Variants in GGA2 observed in about 807,000 individuals in gnomAD.
The protein encoded by GGA2 is ADP-ribosylation factor-binding protein GGA2.
A neutral mutation model predicts 79.5 loss-of-function variants in GGA2; 48 were observed. The observed-to-expected ratio is 0.60, with a 90% CI of 0.48 to 0.77. The LOEUF is 0.77. GGA2 is among the 30% of genes least tolerant of loss of function. The pLI, the probability that GGA2 is intolerant of heterozygous loss-of-function variation, is 0.00. For missense variants in GGA2, 770 were observed against 774.0 expected, an observed-to-expected ratio of 0.99 and a Z score of 0.06; for synonymous variants, 317 against 302.0, an observed-to-expected ratio of 1.05 and a Z score of -0.51.
chr16:23,509,388 C>T (rs1965009950), intron 1 of GGA2, among the ~76,000 whole-genome samples: 1 of 152,108 alleles, frequency 6.6e-6, no homozygotes, highest in Non-Finnish European at 1.5e-5. Context: ...CTGTGACGAC[C>T]CCCAGGTAAA....
chr16:23,491,747 G>C lies in GGA2; in HGVS notation c.405C>G (p.Leu135=). Residue 135 remains leucine (L), a synonymous_variant, in exon 5 of 17, where the codon CTC becomes CTG. Coordinates refer to ENST00000309859, the MANE Select transcript of GGA2 (RefSeq NM_015044.4). ...CCGGAAACCAGACTGTCCAACTGAA[G>C]AGTATTTCAATGACTCTTCCTTTAA... ...GKVKGRVIEI[L]FSWTVWFPED... is the part of the protein sequence containing the mutation. 1 of 1,611,184 alleles carries C rather than the reference G, an allele frequency of 6.2e-7. No homozygotes were observed. The highest frequency in any genetic ancestry group is 8.5e-7 in the Non-Finnish European group (1 of 1,177,342).
upstream of GGA2, among the ~76,000 whole-genome samples, chr16:23,514,436 A>C (rs764926802): frequency 2.6e-5 from 4 of 151,634 alleles, no homozygotes; most frequent in Non-Finnish European, 5.9e-5. Context: ...TAAATCTGTT[A>C]TGCTTTTCTC....
At chr16:23,500,553 C>T (rs988076197) in intron 1 of GGA2, among the ~76,000 whole-genome samples, 1 of 152,256 alleles carries the variant, frequency 6.6e-6, no homozygotes, top group East Asian at 1.9e-4. Context: ...GGGAGCTGTC[C>T]TGCAGTGCTG....
rs571115097 is a variant in GGA2, at chr16:23,487,884, G to A, written c.579+722C>T. Among the ~76,000 whole-genome samples the A allele has an allele frequency of 9.9e-5, 15 of 152,174 alleles. No individual in the cohort carries two copies. The South Asian group carries it at 1.2e-3, about 13-fold the overall frequency. ...TACCACGCAGAAACGAGTACGCAGC[G>A]TGTAGCCTTCCAACACTCCATGAAC... On this transcript the variant is annotated intron_variant, in intron 6 of 16. Coordinates refer to ENST00000309859, the MANE Select transcript of GGA2 (RefSeq NM_015044.4).
In GGA2 at chr16:23,478,416, T is replaced by C. The variant is rs147977624; in HGVS notation, c.1244A>G (p.Asp415Gly). 504 of 1,611,012 alleles carry C rather than the reference T, an allele frequency of 3.1e-4. No individual in the cohort carries two copies. The highest frequency in any genetic ancestry group is 5.5e-4 in the Admixed American group (33 of 59,734). ...TGAGAGGAGGTCCAGCAAATTCCTG[T>C]CTGCAGAAGGGTTCTGAACACCACC... ...PGGGVQNPSA[D>G]RNLLDLLSAQ... is the part of the protein sequence containing the mutation. Residue 415 changes from aspartate (D) to glycine (G), a missense_variant, in exon 13 of 17, where the codon GAC becomes GGC. Coordinates refer to ENST00000309859, the MANE Select transcript of GGA2 (RefSeq NM_015044.4).
intron 16 of GGA2, among the ~76,000 whole-genome samples, chr16:23,468,157 TCTTTC>T (rs1233816832): frequency 1.3e-5 from 2 of 152,152 alleles, no homozygotes; most frequent in Admixed American, 6.5e-5. Flanking sequence ...CCTCTCTCTC[TCTTTC>T]ATCTATCTGT....
chr16:23,487,535 G>C (rs1477815339), intron 6 of GGA2, among the ~76,000 whole-genome samples: 1 of 152,154 alleles, frequency 6.6e-6, no homozygotes, highest in Non-Finnish European at 1.5e-5. Context: ...AGACCCTGGT[G>C]ATCTTGTTCA....
upstream of GGA2, among the ~76,000 whole-genome samples, chr16:23,513,658 A>G (rs1965086601): frequency 1.3e-5 from 2 of 151,592 alleles, no homozygotes; most frequent in African/African-American, 4.8e-5. Context: ...GCTGGTGTGT[A>G]CTTGTAGTCC....
intron 9 of GGA2, 84 bp from the exon 10 acceptor site, chr16:23,480,854 T>C (rs910705909): frequency 1.2e-5 from 16 of 1,298,792 alleles, no homozygotes; most frequent in Non-Finnish European, 1.8e-5. Context: ...TAAAACAGCC[T>C]TCATATGGCT....
Position 23,495,707 on chromosome 16 carries a change from T to C in GGA2, c.163A>G (p.Thr55Ala), listed in dbSNP as rs774743881. Reference sequence around the variant, plus strand: ...AAGTTACCTTACCCATTGGGGTCAGTGTTCACCTGCTCACAGAAATTCTGG... The same window carrying C: ...AAGTTACCTTACCCATTGGGGTCAGCGTTCACCTGCTCACAGAAATTCTGG... ...AIQNFCEQVN[T>A]DPNGPTHAPW... The change falls in exon 2 of 17, where the codon ACT (threonine) becomes GCT (alanine). Residue 55 changes from threonine (T) to alanine (A), a missense_variant. Thr to Ala is a moderately conservative substitution (Grantham distance 58). Coordinates refer to ENST00000309859, the MANE Select transcript of GGA2 (RefSeq NM_015044.4). 3.2e-5 allele frequency: 51 copies of C among 1,603,138 alleles called. No homozygotes were observed. In the East Asian group the frequency reaches 1.0e-3, roughly 33 times the overall value.
chr16:23,491,561 G>GGAA, intron 5 of GGA2, 116 bp downstream of exon 5: 1 of 694,482 alleles, frequency 1.4e-6, no homozygotes, highest in Non-Finnish European at 2.3e-6. Context: ...CTACCTCAGT[G>GGAA]TCTATGGTCC....
intron 5 of GGA2, 98 bp downstream of exon 5, chr16:23,491,576 TAAG>T: frequency 4.5e-6 from 4 of 894,568 alleles, no homozygotes; most frequent in South Asian, 3.1e-5. Flanking sequence ...TGGTCCTACA[TAAG>T]AAGTACAGCT....
At chr16:23,514,100 A>G (rs1355744536), upstream of GGA2, among the ~76,000 whole-genome samples, 4 of 152,068 alleles carry the variant, frequency 2.6e-5, 1 homozygote, top group Admixed American at 2.6e-4. Flanking sequence ...TGTCAACATA[A>G]AACTTTTTTT....
At chr16:23,514,428 A>C (rs903969144), upstream of GGA2, among the ~76,000 whole-genome samples, 1 of 151,708 alleles carries the variant, frequency 6.6e-6, no homozygotes, top group African/African-American at 2.4e-5. Context: ...TAATTAAATA[A>C]ATCTGTTATG....
chr16:23,495,004 G>A (rs1964836546), intron 2 of GGA2, among the ~76,000 whole-genome samples: 2 of 151,856 alleles, frequency 1.3e-5, no homozygotes, highest in Non-Finnish European at 2.9e-5. Flanking sequence ...AGAACCACTT[G>A]AACCCGGGAG....
upstream of GGA2, among the ~76,000 whole-genome samples, chr16:23,514,689 C>A (rs1320802614): frequency 1.3e-5 from 2 of 152,108 alleles, no homozygotes; most frequent in Non-Finnish European, 2.9e-5. Context: ...TGGGCTCAAG[C>A]AATCCTCCCA....
chr16:23,501,650 C>A, intron 1 of GGA2: 1 of 218,926 alleles, frequency 4.6e-6, no homozygotes, highest in Non-Finnish European at 9.3e-6. Context: ...GTATTCGGTG[C>A]ACTAATGCCA....
intron 16 of GGA2, among the ~76,000 whole-genome samples, chr16:23,468,109 C>T (rs991925839): frequency 6.7e-6 from 1 of 149,718 alleles, no homozygotes; most frequent in African/African-American, 2.5e-5. Context: ...ACTTTCTTTT[C>T]TTTTTCTCTT....
intron 14 of GGA2, among the ~76,000 whole-genome samples, chr16:23,471,420 G>T (rs1964509752): frequency 6.6e-6 from 1 of 152,026 alleles, no homozygotes; most frequent in Non-Finnish European, 1.5e-5. Flanking sequence ...GGGGGGCAGG[G>T]CTATAGCAAA....
Sources: gnomAD v4.1 joint callset for allele counts (sites outside exome capture counted in the v4.1 genomes callset) on GRCh38, gnomAD v4.1.1 for gene constraint, MANE v1.5 for transcripts, NCBI Gene and HGNC (gene_info 2026-07-23, HGNC 2026-07-21) for gene names.